CADM2: variants seen among roughly 807,000 people sequenced by gnomAD.
CADM2 encodes the protein cell adhesion molecule 2.
In CADM2, 12 loss-of-function variants were observed where a neutral mutation model predicts 49.8. The observed-to-expected ratio is 0.24, with a 90% CI of 0.15 to 0.39. The LOEUF (loss-of-function observed/expected upper bound fraction) is 0.39, where lower values mean the gene tolerates loss of function less well. Among genes scored for constraint, CADM2 ranks in the 10% least tolerant of loss-of-function variants. CADM2 has a pLI of 1.00. For missense variants in CADM2, 378 were observed against 492.3 expected, an observed-to-expected ratio of 0.77 and a Z score of 2.20; for synonymous variants, 214 against 175.4, an observed-to-expected ratio of 1.22 and a Z score of -1.74.
intron 7 of CADM2, among the ~76,000 whole-genome samples, chr3:85,958,977 G>A (rs188879585): frequency 1.0e-3 from 157 of 151,386 alleles, no homozygotes; most frequent in Admixed American, 2.2e-3. Flanking sequence ...GTATACCTAC[G>A]TAACAAGCCT....
intron 1 of CADM2, among the ~76,000 whole-genome samples, chr3:85,509,314 A>G (rs1263606712): frequency 5.9e-5 from 9 of 152,126 alleles, no homozygotes; most frequent in Admixed American, 5.2e-4. Context: ...ATTTTGACAC[A>G]GGGTTTCTAT....
chr3:85,405,442 C>T (rs1193343507), intron 1 of CADM2, among the ~76,000 whole-genome samples: 3 of 152,116 alleles, frequency 2.0e-5, no homozygotes, highest in African/African-American at 7.2e-5. Context: ...TTCATGGCGC[C>T]CGTCAGTGGC....
chr3:86,019,361 G>T (rs1355163142), intron 8 of CADM2, among the ~76,000 whole-genome samples: 1 of 145,594 alleles, frequency 6.9e-6, no homozygotes, highest in African/African-American at 2.5e-5. Flanking sequence ...GGTGATGCGG[G>T]CTCTTTTTTG....
intron 1 of CADM2, among the ~76,000 whole-genome samples, chr3:85,598,506 C>T (rs73843686): frequency 0.012 from 1,876 of 151,736 alleles, 42 homozygotes; most frequent in African/African-American, 0.042. Flanking sequence ...CAATATTCTA[C>T]GTATGGAGGA....
At chr3:86,017,902 G>A (rs1248015401) in intron 8 of CADM2, among the ~76,000 whole-genome samples, 2 of 144,094 alleles carry the variant, frequency 1.4e-5, no homozygotes, top group South Asian at 2.2e-4. Flanking sequence ...TATACTTTAA[G>A]TTTTAGGGTA....
chr3:85,581,528 G>A (rs939865586), intron 1 of CADM2, among the ~76,000 whole-genome samples: 2 of 151,522 alleles, frequency 1.3e-5, no homozygotes, highest in African/African-American at 2.4e-5. Flanking sequence ...TCAAGCTATC[G>A]AGTCATTTTA....
chr3:85,205,757 A>C (rs2041616476), intron 1 of CADM2, among the ~76,000 whole-genome samples: 1 of 152,156 alleles, frequency 6.6e-6, no homozygotes, highest in Non-Finnish European at 1.5e-5. Context: ...AAAGATGTGA[A>C]GTTGGACATC....
chr3:85,580,337 A>G (rs201811142), intron 1 of CADM2, among the ~76,000 whole-genome samples: 1 of 152,156 alleles, frequency 6.6e-6, no homozygotes, highest in East Asian at 1.9e-4. Flanking sequence ...AAGAAAAAAA[A>G]ATAAGAAGAA....
At chr3:85,709,887 T>A (rs1440937212) in intron 1 of CADM2, among the ~76,000 whole-genome samples, 1 of 152,138 alleles carries the variant, frequency 6.6e-6, no homozygotes, top group Non-Finnish European at 1.5e-5. Context: ...GGAGTAGTCA[T>A]AGTTGTGTTG....
intron 1 of CADM2, among the ~76,000 whole-genome samples, chr3:85,571,326 GTTGAT>G (rs2062467828): frequency 6.6e-6 from 1 of 151,742 alleles, no homozygotes; most frequent in Non-Finnish European, 1.5e-5. Context: ...TTTTTTTCCA[GTTGAT>G]TTATAAAACT....
intron 1 of CADM2, among the ~76,000 whole-genome samples, chr3:85,249,186 C>G (rs2042720127): frequency 6.6e-6 from 1 of 151,968 alleles, no homozygotes; most frequent in African/African-American, 2.4e-5. Context: ...TTAATTAGTT[C>G]AAATGTCTTC....
chr3:85,198,685 T>C (rs551181927), intron 1 of CADM2, among the ~76,000 whole-genome samples: 4 of 152,066 alleles, frequency 2.6e-5, no homozygotes, highest in South Asian at 4.1e-4. Context: ...CAAATGTGCA[T>C]ACATATATTT....
chr3:85,618,722 G>A (rs1381999278), intron 1 of CADM2, among the ~76,000 whole-genome samples: 1 of 151,860 alleles, frequency 6.6e-6, no homozygotes, highest in Non-Finnish European at 1.5e-5. Flanking sequence ...TTAATTCTAT[G>A]TTTTGTATGT....
chr3:85,877,912 G>A (rs1712161550), intron 3 of CADM2, among the ~76,000 whole-genome samples: 1 of 151,928 alleles, frequency 6.6e-6, no homozygotes, highest in South Asian at 2.1e-4. Context: ...CCTGCTCACA[G>A]GAAACCCACT....
chr3:85,545,099 G>A lies in CADM2; in HGVS notation c.62-181423G>A, dbSNP rs1194060281. The stretch of plus-strand genomic sequence containing the variant: ...CAATGTGTCTTTAAAAGACACAACG[G>A]AAGAAAGCATGCTGATGTGTTATTT... On this transcript the variant is annotated intron_variant, in intron 1 of 9. Coordinates refer to ENST00000383699, the MANE Select transcript of CADM2 (RefSeq NM_001167675.2). 2.6e-5 allele frequency among the ~76,000 whole-genome samples: 4 copies of A among 152,240 alleles called. No individual in the cohort carries two copies. In the East Asian group the frequency reaches 5.8e-4, roughly 22 times the overall value.
chr3:85,504,494 T>A (rs2107671222), intron 1 of CADM2, among the ~76,000 whole-genome samples: 1 of 152,308 alleles, frequency 6.6e-6, no homozygotes, highest in East Asian at 1.9e-4. Flanking sequence ...CACATCCTGC[T>A]GATTGGTAGA....
chr3:85,509,488 A>G (rs2106828483), intron 1 of CADM2, among the ~76,000 whole-genome samples: 1 of 152,272 alleles, frequency 6.6e-6, no homozygotes, highest in East Asian at 1.9e-4. Flanking sequence ...TTTCAGAAAA[A>G]TAGGTATACA....
intron 7 of CADM2, among the ~76,000 whole-genome samples, chr3:85,940,650 A>C (rs1223511491): frequency 6.6e-6 from 1 of 152,102 alleles, no homozygotes; most frequent in Non-Finnish European, 1.5e-5. Flanking sequence ...AAAACCTCTA[A>C]TTAATCATTG....
chr3:86,028,808 T>C (rs1734228414), intron 8 of CADM2, among the ~76,000 whole-genome samples: 2 of 152,272 alleles, frequency 1.3e-5, no homozygotes, highest in South Asian at 4.1e-4. Flanking sequence ...TTCACATCTG[T>C]AAAATGAGGT....
Sources: allele counts gnomAD v4.1 joint callset (sites outside exome capture counted in the v4.1 genomes callset), GRCh38; gene constraint gnomAD v4.1.1; transcripts MANE v1.5; gene names NCBI Gene and HGNC (gene_info 2026-07-23, HGNC 2026-07-21).